VPS33B: variants seen among roughly 807,000 people sequenced by gnomAD.
VPS33B encodes the protein VPS33B late endosome and lysosome associated, also known as vacuolar protein sorting-associated protein 33B.
Under a neutral mutation model 95.3 loss-of-function variants are expected in VPS33B, and 80 were observed. The ratio of observed to expected loss-of-function variants is 0.84; its 90% CI spans 0.70 to 1.01. The LOEUF (loss-of-function observed/expected upper bound fraction) is 1.01. VPS33B is among the 50% of genes least tolerant of loss of function. The probability of loss-of-function intolerance (pLI) is 0.00; values close to 1 mark genes in which losing one functional copy is unlikely to be tolerated. For missense variants in VPS33B, 715 were observed against 773.4 expected (o/e 0.92, Z 0.90); for synonymous variants, 280 against 280.4 (o/e 1.00, Z 0.01).
rs1371470754 is a variant in VPS33B at position 91,007,023 on chromosome 15, G to A, written c.627C>T (p.Asn209=). The A allele has an allele frequency of 6.2e-7, 1 of 1,612,904 alleles. No individual in the cohort carries two copies. The highest frequency in any genetic ancestry group is 1.3e-5 in the African/African-American group (1 of 75,026). Residue 209 remains asparagine, a synonymous_variant, in exon 9 of 23, where the codon AAC becomes AAT. Coordinates refer to ENST00000333371, the MANE Select transcript of VPS33B (RefSeq NM_018668.5). This position sits in a 1 kb window ranked among gnomAD's most constrained non-coding sequence, Gnocchi z 5.3. The part of the protein sequence containing the change: ...CAKMAYELWR[N]LEEEEDGETK... ...TTTCGCCATCCTCCTCCTCCTCCAGGTTCCTCCACAATTCATATGCCATCT... is the reference window on the plus strand; with the variant it reads ...TTTCGCCATCCTCCTCCTCCTCCAGATTCCTCCACAATTCATATGCCATCT...
At position 91,002,119 on chromosome 15, in the gene VPS33B, G is replaced by A; in HGVS notation, c.1336C>T (p.Gln446Ter). 1 of 1,614,184 alleles carries A rather than the reference G, an allele frequency of 6.2e-7. No homozygotes were observed. The highest frequency in any genetic ancestry group is 8.5e-7 in the Non-Finnish European group (1 of 1,180,028). Residue 446 changes from glutamine to a stop codon, truncating the protein, a stop_gained, in exon 18 of 23, where the codon CAG becomes TAG. Coordinates refer to ENST00000333371, the MANE Select transcript of VPS33B (RefSeq NM_018668.5). LOFTEE classifies it high-confidence loss of function. The surrounding 1 kb of genome is among the most constrained non-coding windows in gnomAD (Gnocchi z 4.7). Reference sequence around the variant, plus strand: ...GCTGTGAGGGTGTCCCCGGGGGCCTGCTCCGTTAGGAGCCCAGCTCTTCGC... The same window carrying A: ...GCTGTGAGGGTGTCCCCGGGGGCCTACTCCGTTAGGAGCCCAGCTCTTCGC... ...NLRRAGLLTE[Q>*]APGDTLTAVE...
intron 6 of VPS33B, among the ~76,000 whole-genome samples, chr15:91,008,421 T>A (rs1385958139): frequency 6.6e-6 from 1 of 152,166 alleles, no homozygotes; most frequent in Non-Finnish European, 1.5e-5. Context: ...CACGCCACCA[T>A]GCCCAGCTAA....
rs543388471 is a variant in VPS33B, at chr15:91,018,884, C to T, written c.97-999G>A. On this transcript the variant is annotated intron_variant, in intron 1 of 22. Transcript: ENST00000333371. The surrounding 1 kb of genome is among the most constrained non-coding windows in gnomAD (Gnocchi z 4.7). The stretch of plus-strand genomic sequence containing the variant: ...AGGCTGGAGTGCAGTGGCGTGATCT[C>T]GGCTCACTGCAACCTCCGCCTCCCG... 5.3e-5 allele frequency among the ~76,000 whole-genome samples: 8 copies of T among 152,222 alleles called. No individual in the cohort carries two copies. The highest frequency in any genetic ancestry group is 4.1e-4 in the South Asian group (2 of 4,830).
chr15:91,022,041 C>T, intron 1 of VPS33B, 113 bp downstream of exon 1: 1 of 1,256,556 alleles, frequency 8.0e-7, no homozygotes, highest in Non-Finnish European at 1.1e-6. Context: ...GGGGAAGCGC[C>T]AAGGACAATA....
In VPS33B at chr15:91,016,574, G is replaced by C. The variant is rs558648884; in HGVS notation, c.239+389C>G. Among the ~76,000 whole-genome samples, 18 of 151,990 alleles carry C rather than the reference G, an allele frequency of 1.2e-4. No homozygotes were observed. In the South Asian group the frequency reaches 3.7e-3, roughly 32 times the overall value. ...AATTTTCGTATTTTTAGTAGAGATG[G>C]GGTTTCACCATGATAGCTAGGCTGG... On this transcript the variant is annotated intron_variant, in intron 3 of 22. Coordinates refer to ENST00000333371, the MANE Select transcript of VPS33B (RefSeq NM_018668.5).
intron 1 of VPS33B, among the ~76,000 whole-genome samples, chr15:91,021,077 C>G (rs1379192438): frequency 6.6e-6 from 1 of 152,118 alleles, no homozygotes; most frequent in African/African-American, 2.4e-5. Context: ...CTTCCCCCAT[C>G]AAACCTGTTC....
rs775596810 is a variant in VPS33B at position 91,013,835 on chromosome 15, C to T, written c.326G>A (p.Arg109His). The T allele has an allele frequency of 1.1e-5, 17 of 1,613,956 alleles. No homozygotes were observed. Among genetic ancestry groups the T allele is most frequent in the Middle Eastern group, 1.6e-4 (1 of 6,084 alleles). ...VNADKLAGRT[R>H]KYKVIFSPQK... Reference sequence around the variant, plus strand: ...AGGGCTGAAGATCACTTTGTATTTGCGAGTTCGGCCAGCCAATTTGTCAGC... The same window carrying T: ...AGGGCTGAAGATCACTTTGTATTTGTGAGTTCGGCCAGCCAATTTGTCAGC... Residue 109 changes from arginine to histidine, a missense_variant, in exon 5 of 23, where the codon CGC (arginine) becomes CAC (histidine). Arg to His is a conservative substitution (Grantham distance 29, BLOSUM62 0). Transcript: ENST00000333371. This position sits in a 1 kb window ranked among gnomAD's most constrained non-coding sequence, Gnocchi z 4.5.
At chr15:91,016,263 C>T (rs1479879415) in intron 3 of VPS33B, among the ~76,000 whole-genome samples, 5 of 151,734 alleles carry the variant, frequency 3.3e-5, no homozygotes, top group South Asian at 4.1e-4. Flanking sequence ...AGGGGACACA[C>T]GAGACAAGGC....
At position 91,018,568 on chromosome 15, in the gene VPS33B, G is replaced by C. The variant is rs774883867; in HGVS notation, c.97-683C>G. ...GACAGTCCAGCAAAGATCAGAAAGA[G>C]AGCATAGGCTGTGTAGTAAGGGGAC... On this transcript the variant is annotated intron_variant, in intron 1 of 22. Coordinates refer to ENST00000333371, the MANE Select transcript of VPS33B (RefSeq NM_018668.5). This position sits in a 1 kb window ranked among gnomAD's most constrained non-coding sequence, Gnocchi z 4.7. Among the ~76,000 whole-genome samples, 10 of 152,204 alleles carry C rather than the reference G, an allele frequency of 6.6e-5. No homozygotes were observed. The highest frequency in any genetic ancestry group is 7.3e-5 in the Non-Finnish European group (5 of 68,036).
chr15:91,010,329 A>G lies in VPS33B; in HGVS notation c.358-483T>C, dbSNP rs2040745781. Among the ~76,000 whole-genome samples the G allele has an allele frequency of 6.6e-6, 1 of 152,200 alleles. No homozygotes were observed. Among genetic ancestry groups the G allele is most frequent in the South Asian group, 2.1e-4 (1 of 4,834 alleles). On this transcript the variant is annotated intron_variant, in intron 5 of 22. Coordinates refer to ENST00000333371, the MANE Select transcript of VPS33B (RefSeq NM_018668.5). This position sits in a 1 kb window ranked among gnomAD's most constrained non-coding sequence, Gnocchi z 5.7. ...TAAAGTGGATGATGTGGCTGGGTGCACTGGCTCACTCCTATAATCCCAGAA... is the reference window on the plus strand; with the variant it reads ...TAAAGTGGATGATGTGGCTGGGTGCGCTGGCTCACTCCTATAATCCCAGAA...
intron 17 of VPS33B, 21 bp downstream of exon 17, chr15:91,003,064 A>G: frequency 6.2e-7 from 1 of 1,613,998 alleles, no homozygotes; most frequent in Non-Finnish European, 8.5e-7. Context: ...TTCCCTCAAG[A>G]ATACATTCTC....
At position 91,022,339 on chromosome 15, in the gene VPS33B, C is replaced by T; in HGVS notation, c.-90G>A. 7.3e-7 allele frequency: 1 copy of T among 1,365,402 alleles called. No homozygotes were observed. The highest frequency in any genetic ancestry group is 9.9e-7 in the Non-Finnish European group (1 of 1,012,318). The allele number at this position is 1,365,402 out of a possible 1,614,324, so 84.6% of individuals were successfully genotyped here. On this transcript the variant is annotated 5_prime_UTR_variant, in exon 1 of 23. Coordinates refer to ENST00000333371, the MANE Select transcript of VPS33B (RefSeq NM_018668.5). ...CCAGGGAAGCGCAAGGGGGGCTATC[C>T]TTCAGGCCTGGGCACCGACTTCCAG...
intron 3 of VPS33B, 44 bp downstream of exon 3, chr15:91,016,919 C>T (rs186916573): frequency 3.1e-6 from 5 of 1,600,572 alleles, no homozygotes; most frequent in African/African-American, 2.7e-5. Context: ...CCCCTAGGGA[C>T]CTCTTCCAGC....
intron 3 of VPS33B, 79 bp downstream of exon 3, chr15:91,016,884 C>A: frequency 1.5e-6 from 2 of 1,378,540 alleles, no homozygotes; most frequent in Admixed American, 3.4e-5. Flanking sequence ...ATATCTCAGC[C>A]AAGGACAGAT....
Position 91,006,854 on chromosome 15 carries a change from A to G in VPS33B, c.700+96T>C. ...CACGCTCCTCAAAGCTGGGATTCAC[A>G]GCCCTAACTTTAGGATTTTAACTTT... On this transcript the variant is annotated intron_variant, in intron 9 of 22. Coordinates refer to ENST00000333371, the MANE Select transcript of VPS33B (RefSeq NM_018668.5). The surrounding 1 kb of genome is among the most constrained non-coding windows in gnomAD (Gnocchi z 5.4). The G allele has an allele frequency of 6.3e-7, 1 of 1,593,408 alleles. No individual in the cohort carries two copies. Among genetic ancestry groups the G allele is most frequent in the Non-Finnish European group, 8.6e-7 (1 of 1,161,584 alleles).
chr15:91,004,171 C>T (rs1028218242), intron 16 of VPS33B, among the ~76,000 whole-genome samples: 3 of 150,678 alleles, frequency 2.0e-5, no homozygotes, highest in Admixed American at 6.6e-5. Context: ...TGCAGTGAGC[C>T]GAGATCGTGC....
Position 90,999,823 on chromosome 15 carries a change from C to A in VPS33B, c.1658-30G>T. 1 of 1,614,058 alleles carries A rather than the reference C, an allele frequency of 6.2e-7. No homozygotes were observed. The highest frequency in any genetic ancestry group is 1.3e-5 in the African/African-American group (1 of 75,044). On this transcript the variant is annotated intron_variant, in intron 21 of 22. Transcript: ENST00000333371. The surrounding 1 kb of genome is among the most constrained non-coding windows in gnomAD (Gnocchi z 5.1). ...GAGGATCAGACCAGATTCAGCCCTT[C>A]CCTGACATGCTAGTCCTGAGTGGTG...
intron 16 of VPS33B, 53 bp downstream of exon 16, chr15:91,004,824 C>T: frequency 8.7e-6 from 14 of 1,602,688 alleles, no homozygotes; most frequent in Non-Finnish European, 1.2e-5. Flanking sequence ...TCTTCTGTCC[C>T]TAAGGCATAG....
rs201731040 is a variant in VPS33B at position 91,018,785 on chromosome 15, C to CT, written c.97-901dup. Among the ~76,000 whole-genome samples the CT allele has an allele frequency of 7.4e-3, 1,125 of 151,520 alleles. 10 individuals carry two copies. Among genetic ancestry groups the CT allele is most frequent in the Middle Eastern group, 0.01 (3 of 294 alleles). ...GTCAACAGTATAGAGAGCAGGAAAT[C>CT]TTTTTTTTTAAATCTTATTTGTTGT... On this transcript the variant is annotated intron_variant, in intron 1 of 22. Transcript: ENST00000333371. This position sits in a 1 kb window ranked among gnomAD's most constrained non-coding sequence, Gnocchi z 4.7.
Sources: gnomAD v4.1 joint callset for allele counts (sites outside exome capture counted in the v4.1 genomes callset) on GRCh38, gnomAD v4.1.1 for gene constraint, Gnocchi (gnomAD v3.1) non-coding constraint, MANE v1.5 for transcripts, NCBI Gene and HGNC (gene_info 2026-07-23, HGNC 2026-07-21) for gene names.